The following EXOC3 variants were observed in gnomAD, a reference collection of about 807,000 sequenced individuals.
EXOC3 encodes exocyst complex component 3.
A neutral mutation model predicts 73.7 loss-of-function variants in EXOC3; 21 were observed. The ratio of observed to expected loss-of-function variants is 0.29; its 90% confidence interval spans 0.20 to 0.41. EXOC3 has a LOEUF of 0.41. Ranked by LOEUF, EXOC3 falls within the 10% of genes least tolerant of loss-of-function variation. EXOC3 has a pLI of 1.00. For missense variants in EXOC3, 842 were observed against 985.1 expected (o/e 0.85, Z 1.95); for synonymous variants, 410 against 389.1 (o/e 1.05, Z -0.63).
intron 5 of EXOC3, 61 bp from the exon 6 acceptor site, chr5:457,839 C>CG: frequency 1.9e-6 from 3 of 1,544,096 alleles, no homozygotes; most frequent in Non-Finnish European, 2.6e-6. Flanking sequence ...AGGTAATTGG[C>CG]ATGACCCTCA....
intron 4 of EXOC3, among the ~76,000 whole-genome samples, chr5:454,641 A>G (rs978542182): frequency 6.6e-6 from 1 of 152,242 alleles, no homozygotes. Flanking sequence ...TTAAGGGACC[A>G]TGAACCACTC....
chr5:446,475 G>T, intron 2 of EXOC3, 126 bp downstream of exon 2: 1 of 866,530 alleles, frequency 1.2e-6, no homozygotes, highest in Non-Finnish European at 1.7e-6. Flanking sequence ...GGACTTTCTT[G>T]AGCAGTTACT....
rs867962770 is a variant in EXOC3 at position 454,870 on chromosome 5, T to G, written c.1046+819T>G. On this transcript the variant is annotated intron_variant, in intron 4 of 12. Transcript: ENST00000512944. ...AGTGGAGAAATTGAATAAACCTCAT[T>G]TTTTTTTTTTTTTTTTTTAGCAGTA... is the stretch of plus-strand genomic sequence containing the variant. 3.0e-4 allele frequency among the ~76,000 whole-genome samples: 42 copies of G among 141,330 alleles called. 1 individual carries two copies. The highest frequency in any genetic ancestry group is 3.6e-3 in the Middle Eastern group (1 of 274). The allele number at this position is 141,330 out of a possible 152,430, so 92.7% of individuals were successfully genotyped here.
rs1737998018 is a variant in EXOC3, at chr5:461,949, T to C, written c.1392-11T>C. On this transcript the variant is annotated splice_polypyrimidine_tract_variant and intron_variant, in intron 7 of 12. Transcript: ENST00000512944. ...CTTAGTGCTGTCTGACCGAAGCCTGTCTGTCCTCAGATATAAAGATGAAGC... is the reference window on the plus strand; with the variant it reads ...CTTAGTGCTGTCTGACCGAAGCCTGCCTGTCCTCAGATATAAAGATGAAGC... The C allele has an allele frequency of 1.3e-6, 2 of 1,569,782 alleles. No individual in the cohort carries two copies. The highest frequency in any genetic ancestry group is 1.7e-6 in the Non-Finnish European group (2 of 1,155,874).
Position 446,221 on chromosome 5 carries a change from C to T in EXOC3, c.16C>T (p.Arg6Trp), listed in dbSNP as rs376575084. 2.3e-5 allele frequency: 37 copies of T among 1,613,810 alleles called. No individual in the cohort carries two copies. Among genetic ancestry groups the T allele is most frequent in the South Asian group, 1.3e-4 (12 of 91,068 alleles). The change falls in exon 2 of 13, where the codon CGG becomes TGG. Residue 6 changes from arginine (R) to tryptophan (W), a missense_variant. Arg to Trp is a moderately radical substitution (Grantham distance 101). Coordinates refer to ENST00000512944, the MANE Select transcript of EXOC3 (RefSeq NM_007277.5). ...CTTTTTCACCATGAAGGAGACAGAC[C>T]GGGAGGCCGTTGCGACAGCAGTGCA... The part of the protein sequence containing the change: MKETD[R>W]EAVATAVQRV...
rs2126590607 is a variant in EXOC3, at chr5:467,179, G to C, written c.*281G>C. The C allele has an allele frequency of 2.3e-6, 1 of 439,590 alleles. No homozygotes were observed. The highest frequency in any genetic ancestry group is 4.1e-6 in the Non-Finnish European group (1 of 243,830). The allele number at this position is 439,590 out of a possible 1,614,324, so 27.2% of individuals were successfully genotyped here. Reference sequence around the variant, plus strand: ...AGTGGTTGAAAGTGTGTGGGGCACAGAGGACGTGCACCTCCCTGCCCTCCT... The same window carrying C: ...AGTGGTTGAAAGTGTGTGGGGCACACAGGACGTGCACCTCCCTGCCCTCCT... On this transcript the variant is annotated 3_prime_UTR_variant, in exon 13 of 13. Transcript: ENST00000512944.
At position 452,221 on chromosome 5, in the gene EXOC3, A is replaced by G. The variant is rs188291119; in HGVS notation, c.365-1149A>G. ...CTGAGGCTCTGTTCACTTTTCTTCA[A>G]TCTTTTTTCTTTCTGTTCCGGATAC... is the stretch of plus-strand genomic sequence containing the variant. On this transcript the variant is annotated intron_variant, in intron 3 of 12. Transcript: ENST00000512944. 7.9e-5 allele frequency among the ~76,000 whole-genome samples: 12 copies of G among 152,134 alleles called. No individual in the cohort carries two copies. In the East Asian group the frequency reaches 1.5e-3, roughly 20 times the overall value.
At chr5:466,064 C>G in intron 12 of EXOC3, 4 of 298,262 alleles carry the variant, frequency 1.3e-5, no homozygotes, top group South Asian at 3.4e-5. Flanking sequence ...GGGTGGAGCT[C>G]GAGGGGCACA....
Position 454,027 on chromosome 5 carries a change from C to T in EXOC3, c.1022C>T (p.Thr341Met), listed in dbSNP as rs201241491. The T allele has an allele frequency of 3.9e-4, 621 of 1,609,888 alleles. No homozygotes were observed. Among genetic ancestry groups the T allele is most frequent in the Non-Finnish European group, 5.1e-4 (596 of 1,178,032 alleles). Residue 341 changes from threonine (T) to methionine (M), a missense_variant, in exon 4 of 13, where the codon ACG (threonine) becomes ATG (methionine). Coordinates refer to ENST00000512944, the MANE Select transcript of EXOC3 (RefSeq NM_007277.5). Reference protein sequence around the residue: ...LEANEIVSLLTWVLNTYTSTE... With the variant: ...LEANEIVSLLMWVLNTYTSTE... ...GCCAATGAGATCGTGAGCCTCTTGA[C>T]GTGGGTCTTAAACACCTACACAAGG...
In EXOC3 at chr5:446,354, G is replaced by A; in HGVS notation, c.144+5G>A. 6.3e-7 allele frequency: 1 copy of A among 1,591,546 alleles called. No homozygotes were observed. Among genetic ancestry groups the A allele is most frequent in the Non-Finnish European group, 8.6e-7 (1 of 1,169,314 alleles). ...TCCGTGGAGGCCAGATTGAAGGTGAGGCCACCTGCCCCACTCCCAGGATCT... is the reference window on the plus strand; with the variant it reads ...TCCGTGGAGGCCAGATTGAAGGTGAAGCCACCTGCCCCACTCCCAGGATCT... On this transcript the variant is annotated splice_donor_5th_base_variant and intron_variant, in intron 2 of 12. Coordinates refer to ENST00000512944, the MANE Select transcript of EXOC3 (RefSeq NM_007277.5).
chr5:464,273 C>T lies in EXOC3; in HGVS notation c.1654-17C>T. The T allele has an allele frequency of 6.2e-7, 1 of 1,611,266 alleles. No individual in the cohort carries two copies. The highest frequency in any genetic ancestry group is 8.5e-7 in the Non-Finnish European group (1 of 1,178,070). On this transcript the variant is annotated splice_polypyrimidine_tract_variant and intron_variant, in intron 9 of 12. Coordinates refer to ENST00000512944, the MANE Select transcript of EXOC3 (RefSeq NM_007277.5). Reference sequence around the variant, plus strand: ...ACGTTGAGGTGATGATTTCTATGATCTGTTTCTGCTTTTCAGCAACATCTG... The same window carrying T: ...ACGTTGAGGTGATGATTTCTATGATTTGTTTCTGCTTTTCAGCAACATCTG...
rs1737383375 is a variant in EXOC3 at position 443,229 on chromosome 5, G to GGGCGGCGGCGGGGGCGGCGGC, written c.-107_-106insGGGCGGCGGCGGCGGCGGCGG. 5 of 138,814 alleles carry GGGCGGCGGCGGGGGCGGCGGC rather than the reference G, an allele frequency of 3.6e-5. No homozygotes were observed. Among genetic ancestry groups the GGGCGGCGGCGGGGGCGGCGGC allele is most frequent in the Non-Finnish European group, 3.4e-5 (2 of 59,068 alleles). 8.6% of individuals were successfully genotyped at this position (138,814 alleles called of 1,614,324 possible). A position where few individuals can be genotyped will look rare whatever the true frequency, so the allele number is the denominator to read the frequency against. ...GCAGCGAAGGCGGAGGGGGCGGCGGGGGCGGCGGCGGCGGCGGCGGCGGCG... is the reference window on the plus strand; with the variant it reads ...GCAGCGAAGGCGGAGGGGGCGGCGGGGGCGGCGGCGGGGGCGGCGGCGGCGGCGGCGGCGGCGGCGGCGGCG... On this transcript the variant is annotated 5_prime_UTR_variant, in exon 1 of 13. Coordinates refer to ENST00000512944, the MANE Select transcript of EXOC3 (RefSeq NM_007277.5).
intron 6 of EXOC3, among the ~76,000 whole-genome samples, chr5:459,048 C>T (rs924807983): frequency 8.5e-5 from 13 of 152,188 alleles, no homozygotes; most frequent in South Asian, 2.1e-4. Flanking sequence ...GGCGCCATCC[C>T]GGGTGGGGCC....
intron 3 of EXOC3, among the ~76,000 whole-genome samples, chr5:450,129 C>A (rs1373151384): frequency 5.3e-5 from 8 of 152,052 alleles, no homozygotes; most frequent in Non-Finnish European, 5.9e-5. Flanking sequence ...GCCTGTAATC[C>A]CAGCTACTCA....
intron 4 of EXOC3, 62 bp downstream of exon 4, chr5:454,113 C>T: frequency 7.2e-7 from 1 of 1,383,812 alleles, no homozygotes; most frequent in South Asian, 1.4e-5. Flanking sequence ...GAGGGGCCTG[C>T]AGCTGCTTGC....
rs1445176157 is a variant in EXOC3 at position 465,849 on chromosome 5, A to G, written c.2066+4A>G. 1 of 1,607,906 alleles carries G rather than the reference A, an allele frequency of 6.2e-7. No homozygotes were observed. The highest frequency in any genetic ancestry group is 1.3e-5 in the African/African-American group (1 of 74,988). On this transcript the variant is annotated splice_donor_region_variant and intron_variant, in intron 12 of 12. Coordinates refer to ENST00000512944, the MANE Select transcript of EXOC3 (RefSeq NM_007277.5). ...TCAGCAAGTATCCAGACATCAGGTA[A>G]GGGATGCACGTCTTAGAATCCTGCC... is the stretch of plus-strand genomic sequence containing the variant.
chr5:447,753 G>A lies in EXOC3; in HGVS notation c.364+1G>A, dbSNP rs1401071782. On this transcript the variant is annotated splice_donor_variant, in intron 3 of 12. Coordinates refer to ENST00000512944, the MANE Select transcript of EXOC3 (RefSeq NM_007277.5). LOFTEE classifies it high-confidence loss of function. ...GAGAACCTCAAGAACATCTTCTCAGGTACCAGCCAGACGCCGAGGCACTTG... is the reference window on the plus strand; with the variant it reads ...GAGAACCTCAAGAACATCTTCTCAGATACCAGCCAGACGCCGAGGCACTTG... 1.3e-6 allele frequency: 2 copies of A among 1,543,704 alleles called. No individual in the cohort carries two copies. Among genetic ancestry groups the A allele is most frequent in the African/African-American group, 1.4e-5 (1 of 73,142 alleles).
rs758540524 is a variant in EXOC3 at position 465,193 on chromosome 5, C to T, written c.1859C>T (p.Pro620Leu). The part of the protein sequence containing the change: ...VMQKRISFRS[P>L]EERKEGAEKM... ...CAGAAGCGCATTTCCTTCCGGAGCC[C>T]GGAGGAGCGCAAGGAGGGTGCCGAG... Residue 620 changes from proline (P) to leucine (L), a missense_variant, in exon 11 of 13, where the codon CCG becomes CTG. Pro to Leu is a moderately conservative substitution (Grantham distance 98). Coordinates refer to ENST00000512944, the MANE Select transcript of EXOC3 (RefSeq NM_007277.5). 2.5e-6 allele frequency: 4 copies of T among 1,595,056 alleles called. No individual in the cohort carries two copies. Among genetic ancestry groups the T allele is most frequent in the South Asian group, 1.1e-5 (1 of 87,878 alleles).
intron 3 of EXOC3, among the ~76,000 whole-genome samples, chr5:450,428 A>T (rs570426918): frequency 1.3e-5 from 2 of 152,332 alleles, no homozygotes; most frequent in Admixed American, 1.3e-4. Context: ...TATCTTTTAA[A>T]AACCTGAGTC....
Sources: allele counts gnomAD v4.1 joint callset (sites outside exome capture counted in the v4.1 genomes callset), GRCh38; gene constraint gnomAD v4.1.1; transcripts MANE v1.5; gene names NCBI Gene and HGNC (gene_info 2026-07-23, HGNC 2026-07-21).